ALPK3: variants seen among roughly 807,000 people sequenced by gnomAD.
The protein encoded by ALPK3 is alpha kinase 3, also known as alpha-protein kinase 3.
Under a neutral mutation model 140.0 loss-of-function variants are expected in ALPK3, and 102 were observed. That is an observed-to-expected ratio of 0.73 (90% CI 0.62 to 0.86). The LOEUF (loss-of-function observed/expected upper bound fraction) is 0.86. Among genes scored for constraint, ALPK3 ranks in the 40% least tolerant of loss-of-function variants. The pLI is 0.00. For missense variants in ALPK3, 2,254 were observed against 2,208.2 expected (o/e 1.02, Z -0.42); for synonymous variants, 938 against 898.5 (o/e 1.04, Z -0.79).
intron 1 of ALPK3, among the ~76,000 whole-genome samples, chr15:84,820,626 C>T (rs779578336): frequency 5.9e-5 from 9 of 151,962 alleles, no homozygotes; most frequent in Non-Finnish European, 8.8e-5. Context: ...AGATTACAGA[C>T]GCCTGCCACC....
chr15:84,867,218 G>A (rs763336612), intron 12 of ALPK3, 99 bp from the exon 13 acceptor site: 123 of 1,260,956 alleles, frequency 9.8e-5, no homozygotes, highest in Non-Finnish European at 1.3e-4. Flanking sequence ...AGCAGGAAGA[G>A]ACATGGTTCT....
chr15:84,833,761 C>T (rs984605751), intron 3 of ALPK3, among the ~76,000 whole-genome samples: 2 of 152,176 alleles, frequency 1.3e-5, no homozygotes, highest in Non-Finnish European at 2.9e-5. Flanking sequence ...CTTGGGGTCA[C>T]AGAGAAGACA....
chr15:84,838,434 T>C (rs1963618450), intron 3 of ALPK3, among the ~76,000 whole-genome samples: 2 of 152,046 alleles, frequency 1.3e-5, no homozygotes, highest in Admixed American at 1.3e-4. Flanking sequence ...ATATTTTCCT[T>C]CCTATTGCTG....
chr15:84,839,217 G>A (rs1963629141), intron 4 of ALPK3, 120 bp downstream of exon 4: 1 of 856,332 alleles, frequency 1.2e-6, no homozygotes, highest in African/African-American at 1.7e-5. Context: ...GGGGATGGAG[G>A]GCAGGATTCT....
In ALPK3 at chr15:84,857,388, T is replaced by C. The variant is rs746716203; in HGVS notation, c.2650T>C (p.Cys884Arg). Residue 884 changes from cysteine (C) to arginine (R), a missense_variant, in exon 6 of 14, where the codon TGT (cysteine) becomes CGT (arginine). Physicochemically the swap from Cys to Arg is radical, Grantham distance 180. Coordinates refer to ENST00000258888, the MANE Select transcript of ALPK3 (RefSeq NM_020778.5). Reference protein sequence around the residue: ...GLTASPKAGPCSTPTSQHGST... With the variant: ...GLTASPKAGPRSTPTSQHGST... ...GACAGCTAGCCCAAAGGCGGGGCCG[T>C]GTAGCACCCCGACTTCTCAGCACGG... 1 of 1,614,098 alleles carries C rather than the reference T, an allele frequency of 6.2e-7. No homozygotes were observed. The highest frequency in any genetic ancestry group is 1.1e-5 in the South Asian group (1 of 91,086).
chr15:84,825,275 CAA>C, intron 2 of ALPK3, among the ~76,000 whole-genome samples: 1 of 151,998 alleles, frequency 6.6e-6, no homozygotes, highest in African/African-American at 2.4e-5. Context: ...CTGCCAGGTT[CAA>C]GTGATTCTCC....
chr15:84,836,024 T>A (rs180976270), intron 3 of ALPK3, among the ~76,000 whole-genome samples: 20 of 152,300 alleles, frequency 1.3e-4, no homozygotes, highest in Non-Finnish European at 2.4e-4. Flanking sequence ...CAGGTAGCAA[T>A]GTGTTCTATG....
intron 5 of ALPK3, among the ~76,000 whole-genome samples, chr15:84,845,237 A>T (rs982384858): frequency 9.2e-5 from 14 of 151,994 alleles, no homozygotes; most frequent in African/African-American, 3.4e-4. Context: ...AGCCCTCTAG[A>T]TCAGCCTTCA....
At chr15:84,847,208 G>GGAGA (rs55944419) in intron 5 of ALPK3, among the ~76,000 whole-genome samples, 3,327 of 116,412 alleles carry the variant, frequency 0.029, 69 homozygotes, top group African/African-American at 0.04. Context: ...GGAGAAACGG[G>GGAGA]GAGAGAGAGA....
At position 84,817,370 on chromosome 15, in the gene ALPK3, C is replaced by T. The variant is rs1015886974; in HGVS notation, c.-83C>T. The T allele has an allele frequency of 3.3e-6, 4 of 1,224,496 alleles. No homozygotes were observed. The highest frequency in any genetic ancestry group is 1.6e-5 in the African/African-American group (1 of 63,762). 75.9% of individuals were successfully genotyped at this position (1,224,496 alleles called of 1,614,324 possible). Reference sequence around the variant, plus strand: ...CAGCCGCGGGCGGGAGCGGCGGCGGCGGGCAGGGGCCCGGGGGCCGGGGCC... The same window carrying T: ...CAGCCGCGGGCGGGAGCGGCGGCGGTGGGCAGGGGCCCGGGGGCCGGGGCC... On this transcript the variant is annotated 5_prime_UTR_variant, in exon 1 of 14. Coordinates refer to ENST00000258888, the MANE Select transcript of ALPK3 (RefSeq NM_020778.5).
chr15:84,833,994 T>C (rs1021196296), intron 3 of ALPK3, among the ~76,000 whole-genome samples: 25 of 152,024 alleles, frequency 1.6e-4, no homozygotes, highest in African/African-American at 5.8e-4. Flanking sequence ...TGTGTTTGCA[T>C]GTGGGTGCAC....
chr15:84,858,437 G>A lies in ALPK3; in HGVS notation c.3699G>A (p.Leu1233=). 1 of 1,564,362 alleles carries A rather than the reference G, an allele frequency of 6.4e-7. No homozygotes were observed. The highest frequency in any genetic ancestry group is 8.6e-7 in the Non-Finnish European group (1 of 1,158,074). ...MLEVPRAEEE[L]AAGDLGPSPK... ...AGGTGCCTCGGGCAGAGGAGGAGCT[G>A]GCGGCAGGAGACCTGGGCCCCAGCC... Residue 1233 remains leucine, a synonymous_variant, in exon 6 of 14, where the codon CTG becomes CTA. Transcript: ENST00000258888.
At chr15:84,862,326 C>T (rs1963955728) in intron 9 of ALPK3, among the ~76,000 whole-genome samples, 1 of 152,028 alleles carries the variant, frequency 6.6e-6, no homozygotes, top group African/African-American at 2.4e-5. Flanking sequence ...AAAACCCCTG[C>T]CTTCCACAAA....
In ALPK3 at chr15:84,859,867, G is replaced by A. The variant is rs1363798738; in HGVS notation, c.4057G>A (p.Gly1353Ser). The change falls in exon 8 of 14, where the codon GGC (glycine) becomes AGC (serine). Residue 1353 changes from glycine to serine, a missense_variant. Physicochemically the swap from Gly to Ser is moderately conservative, Grantham distance 56. This residue lies in a region of ALPK3 where 2,088 missense variants were observed against 2,022.9 expected (regional missense o/e 1.03). Coordinates refer to ENST00000258888, the MANE Select transcript of ALPK3 (RefSeq NM_020778.5). ...TCGGTGCACCATCCACAATGAGCAC[G>A]GCTCGGCCTCCACCGACTTCTGCCT... ...VYRCTIHNEH[G>S]SASTDFCLSP... 1.1e-5 allele frequency: 18 copies of A among 1,613,956 alleles called. No individual in the cohort carries two copies. The East Asian group carries it at 1.3e-4, about 12-fold the overall frequency.
intron 6 of ALPK3, 23 bp downstream of exon 6, chr15:84,858,578 G>A (rs1202967268): frequency 3.2e-6 from 5 of 1,556,272 alleles, no homozygotes. Flanking sequence ...GAGGGAGAGG[G>A]ATGGCTTCAC....
chr15:84,857,889 G>A lies in ALPK3; in HGVS notation c.3151G>A (p.Gly1051Ser), dbSNP rs1360770595. 3.1e-6 allele frequency: 5 copies of A among 1,612,134 alleles called. No homozygotes were observed. Among genetic ancestry groups the A allele is most frequent in the Admixed American group, 1.7e-5 (1 of 59,834 alleles). The stretch of plus-strand genomic sequence containing the variant: ...CCTCCTGGACCGTGAGGTGCAGGCT[G>A]GCCGCCAGGCCCTTGCTGCTGCCCG... ...TGLLDREVQA[G>S]RQALAAARGS... The change falls in exon 6 of 14, where the codon GGC (glycine) becomes AGC (serine). Residue 1051 changes from glycine to serine, a missense_variant. This residue lies in a region of ALPK3 where 2,088 missense variants were observed against 2,022.9 expected (regional missense o/e 1.03). Transcript: ENST00000258888.
intron 13 of ALPK3, 150 bp from the exon 14 acceptor site, chr15:84,867,961 G>A (rs914985101): frequency 3.8e-6 from 3 of 791,688 alleles, no homozygotes; most frequent in African/African-American, 3.5e-5. Context: ...GCCACCTGAG[G>A]TAGCACCAAG....
chr15:84,840,490 G>C lies in ALPK3; in HGVS notation c.1211G>C (p.Gly404Ala). 6.2e-7 allele frequency: 1 copy of C among 1,612,988 alleles called. No homozygotes were observed. Among genetic ancestry groups the C allele is most frequent in the Non-Finnish European group, 8.5e-7 (1 of 1,179,678 alleles). ...CCAGACAAGGCCCAGAAGGCCCCTG[G>C]CCCAGGCCCAGGCCAGGAAGTGTAT... ...GTPDKAQKAP[G>A]PGPGQEVYFS... The change falls in exon 5 of 14, where the codon GGC becomes GCC. Residue 404 changes from glycine to alanine, a missense_variant. Coordinates refer to ENST00000258888, the MANE Select transcript of ALPK3 (RefSeq NM_020778.5).
intron 3 of ALPK3, among the ~76,000 whole-genome samples, chr15:84,834,974 G>T (rs1434167585): frequency 1.3e-5 from 2 of 152,242 alleles, no homozygotes; most frequent in South Asian, 2.1e-4. Context: ...AAGCTGTCGG[G>T]TTGGCCCCCA....
Sources: gnomAD v4.1 joint callset for allele counts (sites outside exome capture counted in the v4.1 genomes callset) on GRCh38, gnomAD v4.1.1 for gene constraint, gnomAD v4.1.1 regional missense constraint, MANE v1.5 for transcripts, NCBI Gene and HGNC (gene_info 2026-07-23, HGNC 2026-07-21) for gene names.